GPHN: variants seen among roughly 807,000 people sequenced by gnomAD.
The protein encoded by GPHN is gephyrin.
Under a neutral mutation model 95.5 loss-of-function variants are expected in GPHN, and 17 were observed. That is an observed-to-expected ratio of 0.18 (90% CI 0.12 to 0.27). GPHN has a LOEUF of 0.27. GPHN is among the 10% of genes least tolerant of loss of function. The pLI is 1.00. For synonymous variants in GPHN, 320 were observed against 322.5 expected, an observed-to-expected ratio of 0.99 and a Z score of 0.08; for missense variants, 660 against 978.1, an observed-to-expected ratio of 0.67 and a Z score of 4.34.
At chr14:66,548,199 G>A (rs1303809124) in intron 1 of GPHN, among the ~76,000 whole-genome samples, 2 of 59,500 alleles carry the variant, frequency 3.4e-5, no homozygotes, top group African/African-American at 5.6e-5. Context: ...TTTTTTTTTT[G>A]AGATGGAGTC....
At chr14:67,344,473 T>G in the GPHN span, among the ~76,000 whole-genome samples, 2 of 152,160 alleles carry the variant, frequency 1.3e-5, no homozygotes, top group Non-Finnish European at 2.9e-5. Context: ...ATTAATAACC[T>G]AGATATATAC....
At chr14:67,690,530 T>C in the GPHN span, 1 of 871,272 alleles carries the variant, frequency 1.1e-6, no homozygotes, top group South Asian at 1.6e-5. Flanking sequence ...AATAAGGTCT[T>C]TCCCTCCAAC....
At chr14:67,578,517 G>A in the GPHN span, 1 of 1,578,720 alleles carries the variant, frequency 6.3e-7, no homozygotes, top group African/African-American at 1.3e-5. This position sits in a 1 kb window ranked among gnomAD's most constrained non-coding sequence, Gnocchi z 5.0. Flanking sequence ...ACCCCACGCT[G>A]TCTGTGTCCC....
At chr14:66,720,837 C>T (rs1396176553) in intron 2 of GPHN, among the ~76,000 whole-genome samples, 1 of 152,018 alleles carries the variant, frequency 6.6e-6, no homozygotes, top group East Asian at 1.9e-4. Context: ...TGCACTCTTG[C>T]CTTATTGATG....
chr14:67,400,153 TAA>T, the GPHN span, among the ~76,000 whole-genome samples: 27 of 152,218 alleles, frequency 1.8e-4, no homozygotes, highest in African/African-American at 6.5e-4. Flanking sequence ...TTTGTGCATA[TAA>T]CTGAGCTTTG....
chr14:66,744,690 G>A (rs1369340331), intron 2 of GPHN, among the ~76,000 whole-genome samples: 1 of 152,164 alleles, frequency 6.6e-6, no homozygotes, highest in East Asian at 1.9e-4. Flanking sequence ...AGGAATTGTG[G>A]TTGACTGAGC....
the GPHN span, among the ~76,000 whole-genome samples, chr14:67,564,983 G>T: frequency 2.6e-5 from 4 of 152,132 alleles, no homozygotes; most frequent in African/African-American, 9.7e-5. Flanking sequence ...GAGCCACTGT[G>T]TCTGGCCCTG....
At chr14:67,685,192 G>GT in the GPHN span, 3 of 1,612,136 alleles carry the variant, frequency 1.9e-6, no homozygotes, top group South Asian at 2.2e-5. Flanking sequence ...AGAATACGTC[G>GT]TAACGCCAGA....
chr14:67,557,465 T>G, the GPHN span: 1 of 1,579,054 alleles, frequency 6.3e-7, no homozygotes, highest in Non-Finnish European at 8.6e-7. Flanking sequence ...TCGACATCTG[T>G]ACTGCTGGCC....
chr14:67,323,237 G>A, the GPHN span, among the ~76,000 whole-genome samples: 15 of 51,452 alleles, frequency 2.9e-4, no homozygotes, highest in South Asian at 5.1e-3. Context: ...ATACACGTGT[G>A]TGTGTGTGTG....
the GPHN span, among the ~76,000 whole-genome samples, chr14:67,718,154 C>T: frequency 6.6e-6 from 1 of 152,170 alleles, no homozygotes; most frequent in Non-Finnish European, 1.5e-5. Flanking sequence ...CAGCAAGTTC[C>T]TCATGGCTGG....
At chr14:66,667,092 T>A (rs116885965) in intron 1 of GPHN, among the ~76,000 whole-genome samples, 25 of 152,180 alleles carry the variant, frequency 1.6e-4, no homozygotes, top group Non-Finnish European at 3.4e-4. Flanking sequence ...AAGCGAAAGA[T>A]CTCTGCAAGG....
intron 9 of GPHN, among the ~76,000 whole-genome samples, chr14:66,977,388 G>A (rs1407788052): frequency 2.6e-5 from 4 of 151,514 alleles, no homozygotes; most frequent in African/African-American, 7.3e-5. Flanking sequence ...CCAAGATCGC[G>A]CCATTGCACT....
At chr14:67,067,558 A>G (rs1214129893) in intron 11 of GPHN, among the ~76,000 whole-genome samples, 1 of 152,216 alleles carries the variant, frequency 6.6e-6, no homozygotes, top group African/African-American at 2.4e-5. Context: ...CTGCCCACAA[A>G]GGTGGAGTCT....
chr14:67,592,748 C>G, the GPHN span: 1 of 1,236,028 alleles, frequency 8.1e-7, no homozygotes. Flanking sequence ...ATAGCAAAGT[C>G]TAAGTGAAAC....
intron 9 of GPHN, among the ~76,000 whole-genome samples, chr14:66,972,704 A>G (rs554182431): frequency 1.3e-5 from 2 of 152,158 alleles, no homozygotes; most frequent in South Asian, 4.1e-4. Context: ...TTTAATGTGT[A>G]TTAATATTGT....
At chr14:66,674,803 A>G (rs2066494123) in intron 1 of GPHN, among the ~76,000 whole-genome samples, 2 of 152,210 alleles carry the variant, frequency 1.3e-5, no homozygotes, top group Admixed American at 6.5e-5. Flanking sequence ...TCCCTTTGAC[A>G]TAATTGATTT....
the GPHN span, among the ~76,000 whole-genome samples, chr14:67,629,438 C>T: frequency 2.6e-5 from 4 of 152,112 alleles, no homozygotes; most frequent in East Asian, 5.8e-4. Flanking sequence ...GACAAAAGGA[C>T]AAATACAGCA....
chr14:67,360,215 A>G, the GPHN span: 5 of 401,232 alleles, frequency 1.2e-5, no homozygotes, highest in Admixed American at 1.3e-4. Flanking sequence ...AGTACTTTTC[A>G]GGTCCTTCCA....
Sources: allele counts gnomAD v4.1 joint callset (sites outside exome capture counted in the v4.1 genomes callset), GRCh38; gene constraint gnomAD v4.1.1; non-coding constraint Gnocchi (gnomAD v3.1); transcripts MANE v1.5; gene names NCBI Gene and HGNC (gene_info 2026-07-23, HGNC 2026-07-21).